The following TRPM3 variants were observed in gnomAD, a reference collection of about 807,000 sequenced individuals.
TRPM3 encodes transient receptor potential cation channel subfamily M member 3.
In TRPM3, 77 loss-of-function variants were observed where a neutral mutation model predicts 181.2. That is an observed-to-expected ratio of 0.42 (90% CI 0.35 to 0.51). The LOEUF is 0.51. TRPM3 is among the 20% of genes least tolerant of loss of function. The probability of loss-of-function intolerance (pLI) is 0.01; values close to 1 mark genes in which losing one functional copy is unlikely to be tolerated. For synonymous variants in TRPM3, 745 were observed against 796.4 expected (o/e 0.94, Z 1.09); for missense variants, 1,759 against 2,196.7 (o/e 0.80, Z 3.98).
chr9:71,437,873 A>G (rs2094069286), intron 1 of TRPM3, among the ~76,000 whole-genome samples: 1 of 151,790 alleles, frequency 6.6e-6, no homozygotes. Context: ...GGAAAAAAAA[A>G]AAAAAAAGAA....
At chr9:71,161,171 A>G (rs2076256470) in intron 1 of TRPM3, among the ~76,000 whole-genome samples, 1 of 152,132 alleles carries the variant, frequency 6.6e-6, no homozygotes, top group Admixed American at 6.5e-5. Flanking sequence ...CACAGGTCTA[A>G]TTGTTTCTTT....
At chr9:71,293,835 CAAAT>C (rs2086033162) in intron 1 of TRPM3, among the ~76,000 whole-genome samples, 1 of 151,812 alleles carries the variant, frequency 6.6e-6, no homozygotes, top group African/African-American at 2.4e-5. Context: ...TAAGGATAAA[CAAAT>C]AAGCCAATGG....
rs11449061 is a variant in TRPM3, at chr9:71,012,407, G to GTT, written c.177+108769_177+108770dup. ...TTTCAAATATAGGAGCTTTATAGTTGTTTTTTTTTTTTAACATCTGGCAGA... is the reference window on the plus strand; with the variant it reads ...TTTCAAATATAGGAGCTTTATAGTTGTTTTTTTTTTTTTTAACATCTGGCAGA... On this transcript the variant is annotated intron_variant, in intron 1 of 25. Coordinates refer to ENST00000677713, the MANE Select transcript of TRPM3 (RefSeq NM_001366145.2). Among the ~76,000 whole-genome samples, 1,209 of 140,778 alleles carry GTT rather than the reference G, an allele frequency of 8.6e-3. 19 individuals are homozygous for GTT. The highest frequency in any genetic ancestry group is 0.029 in the African/African-American group (1,122 of 38,928). 92.4% of individuals were successfully genotyped at this position (140,778 alleles called of 152,430 possible).
chr9:70,993,092 C>T (rs774522316), intron 1 of TRPM3, among the ~76,000 whole-genome samples: 3 of 152,116 alleles, frequency 2.0e-5, no homozygotes, highest in Non-Finnish European at 4.4e-5. Flanking sequence ...GACCTGAGGG[C>T]ATAGAGGAGC....
At chr9:70,942,207 C>A (rs2096892469) in intron 1 of TRPM3, among the ~76,000 whole-genome samples, 1 of 152,134 alleles carries the variant, frequency 6.6e-6, no homozygotes, top group Admixed American at 6.5e-5. Context: ...TAATCCAGGA[C>A]CATTTCCTCT....
intron 1 of TRPM3, among the ~76,000 whole-genome samples, chr9:71,279,043 ATAAAAATAAAAATAAAAAT>A (rs1180501489): frequency 4.3e-5 from 6 of 138,016 alleles, no homozygotes; most frequent in Non-Finnish European, 6.2e-5. Flanking sequence ...GTTAAAAAAA[ATAAAAATAAAAATAAAAAT>A]AAAAAAACCA....
intron 1 of TRPM3, among the ~76,000 whole-genome samples, chr9:71,044,031 T>G (rs900733061): frequency 1.3e-4 from 20 of 152,196 alleles, no homozygotes; most frequent in Non-Finnish European, 2.2e-4. Context: ...CCATTATCTT[T>G]TTCATGAACT....
intron 6 of TRPM3, chr9:70,809,827 C>T: frequency 2.4e-6 from 1 of 423,122 alleles, no homozygotes. Flanking sequence ...TTCCTAATTC[C>T]AGAGCTGCTT....
At chr9:71,002,755 T>C (rs753465146) in intron 1 of TRPM3, among the ~76,000 whole-genome samples, 4 of 152,190 alleles carry the variant, frequency 2.6e-5, no homozygotes, top group Non-Finnish European at 5.9e-5. Context: ...TTTATTTTTC[T>C]GAATGATTTG....
chr9:70,543,278 T>A (rs1168415529), intron 25 of TRPM3, among the ~76,000 whole-genome samples: 2 of 152,198 alleles, frequency 1.3e-5, no homozygotes, highest in East Asian at 1.9e-4. Flanking sequence ...AGGCAAGCAA[T>A]GTGAAATAAG....
chr9:70,648,795 A>G (rs973876588), intron 9 of TRPM3, among the ~76,000 whole-genome samples: 2 of 152,204 alleles, frequency 1.3e-5, no homozygotes, highest in Admixed American at 6.5e-5. Flanking sequence ...AGCCACATGC[A>G]AAAGATTGAA....
chr9:70,980,519 T>G (rs2097354058), intron 1 of TRPM3, among the ~76,000 whole-genome samples: 1 of 152,166 alleles, frequency 6.6e-6, no homozygotes, highest in Admixed American at 6.5e-5. Context: ...GTGTTCATTT[T>G]CCCTACTTCT....
At chr9:70,700,891 C>T (rs1587557406) in intron 8 of TRPM3, among the ~76,000 whole-genome samples, 1 of 152,200 alleles carries the variant, frequency 6.6e-6, no homozygotes, top group Admixed American at 6.5e-5. Flanking sequence ...CAGAAAGCAA[C>T]TCTGGTATGA....
At chr9:71,333,942 T>C (rs530365750) in intron 1 of TRPM3, among the ~76,000 whole-genome samples, 1 of 151,848 alleles carries the variant, frequency 6.6e-6, no homozygotes, top group African/African-American at 2.4e-5. Context: ...AAATAACACA[T>C]CTGAAGGTTA....
At chr9:70,904,700 T>C (rs1176779049) in intron 1 of TRPM3, among the ~76,000 whole-genome samples, 1 of 152,164 alleles carries the variant, frequency 6.6e-6, no homozygotes, top group African/African-American at 2.4e-5. Context: ...AAGAAGACAG[T>C]AATCACTGAG....
chr9:70,810,904 G>A (rs541246796), intron 6 of TRPM3, among the ~76,000 whole-genome samples: 45 of 152,256 alleles, frequency 3.0e-4, no homozygotes, highest in African/African-American at 9.6e-4. Flanking sequence ...AAAATGCCTA[G>A]CATGGTGCTT....
rs142527339 is a variant in TRPM3 at position 70,942,321 on chromosome 9, C to T, written c.178-77810G>A. Among the ~76,000 whole-genome samples the T allele has an allele frequency of 2.0e-5, 3 of 152,250 alleles. No homozygotes were observed. In the East Asian group the frequency reaches 5.8e-4, roughly 29 times the overall value. On this transcript the variant is annotated intron_variant, in intron 1 of 25. Coordinates refer to ENST00000677713, the MANE Select transcript of TRPM3 (RefSeq NM_001366145.2). Reference sequence around the variant, plus strand: ...CACCGTTGAATTAATCTTTCAGGTGCAGCATGGAATCTGAGGCAAAGAAGA... The same window carrying T: ...CACCGTTGAATTAATCTTTCAGGTGTAGCATGGAATCTGAGGCAAAGAAGA...
chr9:70,637,714 G>A, intron 11 of TRPM3, among the ~76,000 whole-genome samples: 1 of 151,990 alleles, frequency 6.6e-6, no homozygotes, highest in East Asian at 1.9e-4. Flanking sequence ...CAGGAAATAA[G>A]CTCCATCCTG....
chr9:70,940,736 T>A lies in TRPM3; in HGVS notation c.178-76225A>T, dbSNP rs1020167856. 2.0e-5 allele frequency among the ~76,000 whole-genome samples: 3 copies of A among 151,760 alleles called. No individual in the cohort carries two copies. The East Asian group carries it at 5.8e-4, about 29-fold the overall frequency. ...GGAACTAACACTGAAGGATGAGGAG[T>A]CAGCAATGAGAAATTTCGGGACAGG... On this transcript the variant is annotated intron_variant, in intron 1 of 25. Coordinates refer to ENST00000677713, the MANE Select transcript of TRPM3 (RefSeq NM_001366145.2).
Sources: allele counts gnomAD v4.1 joint callset (sites outside exome capture counted in the v4.1 genomes callset), GRCh38; gene constraint gnomAD v4.1.1; transcripts MANE v1.5; gene names NCBI Gene and HGNC (gene_info 2026-07-23, HGNC 2026-07-21).